The following TNNI3K variants were observed in gnomAD, a reference collection of about 807,000 sequenced individuals.
The protein encoded by TNNI3K is serine/threonine-protein kinase TNNI3K.
In TNNI3K, 140 loss-of-function variants were observed where a neutral mutation model predicts 114.5. That is an observed-to-expected ratio of 1.22 (90% CI 1.07 to 1.41). TNNI3K has a LOEUF of 1.41. Among genes scored for constraint, TNNI3K ranks in the 40% most tolerant of loss-of-function variants. TNNI3K has a pLI of 0.00. For missense variants in TNNI3K, 1,125 were observed against 1,007.6 expected (o/e 1.12, Z -1.58); for synonymous variants, 347 against 347.5 (o/e 1.00, Z 0.02).
chr1:74,473,529 G>T (rs1445459357), intron 21 of TNNI3K, among the ~76,000 whole-genome samples: 1 of 109,640 alleles, frequency 9.1e-6, no homozygotes, highest in Non-Finnish European at 1.9e-5. Context: ...TATTTAAAAG[G>T]CTATTTTTTT....
chr1:74,334,897 A>C (rs1660388174), intron 6 of TNNI3K, among the ~76,000 whole-genome samples: 1 of 152,224 alleles, frequency 6.6e-6, no homozygotes, highest in Non-Finnish European at 1.5e-5. Flanking sequence ...GTGAAGACCT[A>C]CATTATGAAA....
chr1:74,518,837 C>T, intron 23 of TNNI3K, among the ~76,000 whole-genome samples: 1 of 141,388 alleles, frequency 7.1e-6, no homozygotes, highest in African/African-American at 2.9e-5. Context: ...AACAAATTAC[C>T]TTACTTTATT....
At chr1:74,284,870 C>A (rs1243221817) in intron 5 of TNNI3K, among the ~76,000 whole-genome samples, 5 of 152,176 alleles carry the variant, frequency 3.3e-5, no homozygotes, top group Admixed American at 3.3e-4. Flanking sequence ...CTGAGTTTCT[C>A]ACAATTACTG....
At chr1:74,283,854 T>G (rs1194471703) in intron 5 of TNNI3K, among the ~76,000 whole-genome samples, 1 of 152,210 alleles carries the variant, frequency 6.6e-6, no homozygotes, top group Admixed American at 6.5e-5. Flanking sequence ...TTAACATGTA[T>G]TAGCTAAACA....
intron 17 of TNNI3K, among the ~76,000 whole-genome samples, chr1:74,413,854 G>T (rs1276055197): frequency 6.6e-6 from 1 of 152,260 alleles, no homozygotes; most frequent in African/African-American, 2.4e-5. Flanking sequence ...AAAATCAGTT[G>T]CAATCAGTTC....
chr1:74,379,824 C>T (rs915425168), intron 17 of TNNI3K, among the ~76,000 whole-genome samples: 1 of 152,052 alleles, frequency 6.6e-6, no homozygotes, highest in Admixed American at 6.6e-5. Flanking sequence ...TCCTTTAGTC[C>T]TGAGTTGTCC....
At chr1:74,368,059 A>G (rs1056829958) in intron 13 of TNNI3K, 95 bp downstream of exon 13, 47 of 1,210,344 alleles carry the variant, frequency 3.9e-5, no homozygotes, top group Non-Finnish European at 5.1e-5. Flanking sequence ...ATTACAAATG[A>G]TGACTATTTT....
At chr1:74,415,865 C>T (rs1665093870) in intron 17 of TNNI3K, among the ~76,000 whole-genome samples, 1 of 151,962 alleles carries the variant, frequency 6.6e-6, no homozygotes, top group African/African-American at 2.4e-5. Flanking sequence ...AGATGAGAGT[C>T]CTAGCTTTTT....
intron 17 of TNNI3K, among the ~76,000 whole-genome samples, chr1:74,391,957 A>ATT (rs34656417): frequency 0.026 from 2,378 of 92,908 alleles, 329 homozygotes; most frequent in African/African-American, 0.068. Flanking sequence ...ACAGCTTATT[A>ATT]TTTTTTTTTT....
At chr1:74,329,844 A>G (rs199730940) in intron 5 of TNNI3K, among the ~76,000 whole-genome samples, 9 of 152,092 alleles carry the variant, frequency 5.9e-5, no homozygotes, top group East Asian at 1.9e-4. Context: ...CTGTAGGTCT[A>G]TGATTCACAC....
intron 17 of TNNI3K, among the ~76,000 whole-genome samples, chr1:74,382,446 G>C (rs1245524388): frequency 6.6e-6 from 1 of 152,128 alleles, no homozygotes; most frequent in Non-Finnish European, 1.5e-5. Context: ...AGAAAGTCTT[G>C]GACTAAGATT....
chr1:74,464,503 A>T, intron 21 of TNNI3K: 1 of 1,397,452 alleles, frequency 7.2e-7, no homozygotes, highest in Non-Finnish European at 9.3e-7. Context: ...CTTCCTAGGC[A>T]CTTTATAGCT....
chr1:74,390,350 T>G (rs1237597708), intron 17 of TNNI3K, among the ~76,000 whole-genome samples: 5 of 152,158 alleles, frequency 3.3e-5, no homozygotes. Flanking sequence ...GACTTTATTT[T>G]GAGGTACTCT....
At chr1:74,459,581 T>C (rs1667361500) in intron 20 of TNNI3K, among the ~76,000 whole-genome samples, 1 of 152,226 alleles carries the variant, frequency 6.6e-6, no homozygotes, top group Admixed American at 6.5e-5. Context: ...ATATTTCTTA[T>C]TTATTCATTT....
At chr1:74,328,795 G>A (rs1660049477) in intron 5 of TNNI3K, among the ~76,000 whole-genome samples, 2 of 152,124 alleles carry the variant, frequency 1.3e-5, no homozygotes, top group South Asian at 2.1e-4. Context: ...AATGAAAGTT[G>A]TGGAAGCATG....
At chr1:74,527,695 G>A (rs906285757) in intron 23 of TNNI3K, among the ~76,000 whole-genome samples, 2 of 152,162 alleles carry the variant, frequency 1.3e-5, no homozygotes, top group Admixed American at 1.3e-4. Context: ...CTGAGGGATT[G>A]GAATCAGGGA....
chr1:74,471,865 A>G (rs1180206622), intron 21 of TNNI3K: 2 of 452,758 alleles, frequency 4.4e-6, no homozygotes, highest in Non-Finnish European at 7.8e-6. Context: ...CTTTTCTTTC[A>G]TGTAATCTTC....
At chr1:74,367,877 T>C in intron 12 of TNNI3K, 31 bp from the exon 13 acceptor site, 5 of 1,550,506 alleles carry the variant, frequency 3.2e-6, no homozygotes, top group Non-Finnish European at 4.3e-6. Context: ...TGATCGCTAC[T>C]TTCAACTCTA....
intron 5 of TNNI3K, among the ~76,000 whole-genome samples, chr1:74,297,646 A>G (rs1167827674): frequency 6.6e-6 from 1 of 152,066 alleles, no homozygotes; most frequent in Non-Finnish European, 1.5e-5. Context: ...TGCAATGAGC[A>G]TGGGGGATAC....
Sources: allele counts gnomAD v4.1 joint callset (sites outside exome capture counted in the v4.1 genomes callset), GRCh38; gene constraint gnomAD v4.1.1; transcripts MANE v1.5; gene names NCBI Gene and HGNC (gene_info 2026-07-23, HGNC 2026-07-21).